GPATCH1: variants seen among roughly 807,000 people sequenced by gnomAD.
GPATCH1 encodes the protein G-patch domain containing 1, also known as G patch domain-containing protein 1.
A neutral mutation model predicts 114.9 loss-of-function variants in GPATCH1; 73 were observed. The observed-to-expected ratio is 0.64, with a 90% CI of 0.53 to 0.77. The LOEUF is 0.77. Among genes scored for constraint, GPATCH1 ranks in the 30% least tolerant of loss-of-function variants. The probability of loss-of-function intolerance (pLI) is 0.00; values close to 1 mark genes in which losing one functional copy is unlikely to be tolerated. For missense variants in GPATCH1, 1,058 were observed against 1,144.3 expected (o/e 0.92, Z 1.09); for synonymous variants, 391 against 428.4 (o/e 0.91, Z 1.08).
intron 9 of GPATCH1, among the ~76,000 whole-genome samples, chr19:33,105,568 G>A (rs972944297): frequency 1.3e-5 from 2 of 151,834 alleles, no homozygotes; most frequent in Non-Finnish European, 2.9e-5. Flanking sequence ...CTGTCACCCA[G>A]GCTGGAGTGC....
At chr19:33,125,312 G>C (rs1445986504) in intron 18 of GPATCH1, 110 bp downstream of exon 18, 1 of 1,198,090 alleles carries the variant, frequency 8.3e-7, no homozygotes, top group Non-Finnish European at 1.2e-6. Flanking sequence ...CCAAGTCACA[G>C]TTCTCTCTGA....
intron 17 of GPATCH1, 41 bp from the exon 18 acceptor site, chr19:33,125,064 C>T (rs748430566): frequency 1.1e-5 from 17 of 1,558,932 alleles, no homozygotes; most frequent in Middle Eastern, 1.7e-4. Flanking sequence ...TCTTTGTTTT[C>T]GTGCTATATA....
intron 16 of GPATCH1, among the ~76,000 whole-genome samples, chr19:33,118,550 T>C (rs1404290732): frequency 1.3e-5 from 2 of 152,200 alleles, no homozygotes; most frequent in Non-Finnish European, 2.9e-5. Context: ...AAAACAAGAT[T>C]ATTAACGTGA....
At chr19:33,106,048 C>T (rs1972780909) in intron 9 of GPATCH1, among the ~76,000 whole-genome samples, 3 of 152,072 alleles carry the variant, frequency 2.0e-5, no homozygotes, top group Admixed American at 6.6e-5. Flanking sequence ...GGGGTTTCAC[C>T]ATATTGGCCA....
At chr19:33,085,557 C>T (rs982111145) in intron 1 of GPATCH1, among the ~76,000 whole-genome samples, 7 of 151,986 alleles carry the variant, frequency 4.6e-5, no homozygotes, top group South Asian at 2.1e-4. Flanking sequence ...ACCAGGGGCT[C>T]GTTGAAATTT....
intron 9 of GPATCH1, 21 bp from the exon 10 acceptor site, chr19:33,106,674 G>A: frequency 6.3e-7 from 1 of 1,596,506 alleles, no homozygotes; most frequent in Non-Finnish European, 8.6e-7. Flanking sequence ...TATTTTCTGG[G>A]TTTTGTCTTG....
intron 17 of GPATCH1, among the ~76,000 whole-genome samples, chr19:33,120,788 G>A (rs2145337565): frequency 6.6e-6 from 1 of 152,004 alleles, no homozygotes; most frequent in African/African-American, 2.4e-5. Flanking sequence ...AGGAGATCGA[G>A]ACCATCCTGG....
intron 10 of GPATCH1, among the ~76,000 whole-genome samples, chr19:33,107,854 A>T (rs1360992660): frequency 2.0e-5 from 3 of 149,366 alleles, no homozygotes; most frequent in Non-Finnish European, 4.5e-5. Flanking sequence ...TTTAATTTTT[A>T]TTTTTTTTTA....
At chr19:33,110,806 T>C (rs1972843020) in intron 11 of GPATCH1, among the ~76,000 whole-genome samples, 1 of 151,836 alleles carries the variant, frequency 6.6e-6, no homozygotes, top group South Asian at 2.1e-4. Context: ...CTCTGTTATG[T>C]TTGGTAGACA....
chr19:33,124,517 G>C (rs140138288), intron 17 of GPATCH1, among the ~76,000 whole-genome samples: 291 of 152,226 alleles, frequency 1.9e-3, no homozygotes, highest in African/African-American at 6.8e-3. Context: ...GTTTCCACTT[G>C]TAAGACAAAT....
intron 9 of GPATCH1, among the ~76,000 whole-genome samples, chr19:33,105,270 A>G (rs1972770564): frequency 6.6e-6 from 1 of 151,640 alleles, no homozygotes; most frequent in South Asian, 2.1e-4. Context: ...CGTCTCTACT[A>G]AAAATACAAA....
chr19:33,087,507 G>A (rs199777188), intron 1 of GPATCH1, among the ~76,000 whole-genome samples: 73 of 152,012 alleles, frequency 4.8e-4, no homozygotes, highest in Non-Finnish European at 8.2e-4. Flanking sequence ...AAACTCTTAG[G>A]AGTCGGGGAA....
At chr19:33,087,841 G>C (rs1327929856) in intron 1 of GPATCH1, among the ~76,000 whole-genome samples, 1 of 151,656 alleles carries the variant, frequency 6.6e-6, no homozygotes, top group Non-Finnish European at 1.5e-5. Context: ...CTGCCACCAC[G>C]CCCGGTTAAT....
At chr19:33,098,119 G>A (rs959677395) in intron 8 of GPATCH1, among the ~76,000 whole-genome samples, 3 of 152,238 alleles carry the variant, frequency 2.0e-5, no homozygotes, top group Non-Finnish European at 4.4e-5. Context: ...GGCCCAGGTG[G>A]GAGGGAGGGA....
intron 8 of GPATCH1, among the ~76,000 whole-genome samples, chr19:33,100,761 G>A (rs1972716869): frequency 6.6e-6 from 1 of 151,190 alleles, no homozygotes; most frequent in African/African-American, 2.4e-5. Flanking sequence ...AAGAGCTTTT[G>A]ATGGTCATGT....
chr19:33,096,785 T>G (rs1972665097), intron 7 of GPATCH1, among the ~76,000 whole-genome samples: 1 of 149,888 alleles, frequency 6.7e-6, no homozygotes, highest in African/African-American at 2.5e-5. Flanking sequence ...TGTGCCACCA[T>G]GCCCCACTAA....
intron 6 of GPATCH1, 139 bp downstream of exon 6, chr19:33,095,959 C>T (rs1972653419): frequency 1.3e-5 from 10 of 768,038 alleles, no homozygotes; most frequent in Admixed American, 1.9e-5. Flanking sequence ...AAGCTATCCT[C>T]ATTATATCAG....
At chr19:33,093,057 G>A (rs922741674) in intron 3 of GPATCH1, among the ~76,000 whole-genome samples, 1 of 152,044 alleles carries the variant, frequency 6.6e-6, no homozygotes, top group Admixed American at 6.6e-5. Context: ...GCATGGTGGT[G>A]TGTGCCTGTA....
chr19:33,126,228 T>G (rs763148269), intron 18 of GPATCH1, among the ~76,000 whole-genome samples: 1 of 152,170 alleles, frequency 6.6e-6, no homozygotes, highest in Non-Finnish European at 1.5e-5. Flanking sequence ...GACATGAAGT[T>G]TCCCAGGGGT....
Sources: allele counts gnomAD v4.1 joint callset (sites outside exome capture counted in the v4.1 genomes callset), GRCh38; gene constraint gnomAD v4.1.1; transcripts MANE v1.5; gene names NCBI Gene and HGNC (gene_info 2026-07-23, HGNC 2026-07-21).